The following EDARADD variants were observed in gnomAD, a reference collection of about 807,000 sequenced individuals.
EDARADD encodes the protein EDAR associated via death domain, also known as ectodysplasin-A receptor-associated adapter protein.
EDARADD carries 20 observed loss-of-function variants against 25.6 expected under a neutral mutation model. The ratio of observed to expected loss-of-function variants is 0.78; its 90% CI spans 0.55 to 1.14. The LOEUF is 1.14. Among genes scored for constraint, EDARADD ranks in the 50% most tolerant of loss-of-function variants. The probability of loss-of-function intolerance (pLI) is 0.00; values close to 1 mark genes in which losing one functional copy is unlikely to be tolerated. For missense variants in EDARADD, 225 were observed against 270.1 expected, an observed-to-expected ratio of 0.83 and a Z score of 1.17; for synonymous variants, 86 against 94.4, an observed-to-expected ratio of 0.91 and a Z score of 0.52.
chr1:236,433,007 T>C (rs1442731609), intron 4 of EDARADD, among the ~76,000 whole-genome samples: 2 of 151,836 alleles, frequency 1.3e-5, no homozygotes, highest in Non-Finnish European at 2.9e-5. Flanking sequence ...GACAAATGTA[T>C]CCCACTAATG....
At chr1:236,368,440 C>CT (rs59201705) in intron 3 of EDARADD, among the ~76,000 whole-genome samples, 2,223 of 124,152 alleles carry the variant, frequency 0.018, 56 homozygotes, top group African/African-American at 0.026. Flanking sequence ...CCAGTCTTTT[C>CT]TTTTTTTTTT....
intron 4 of EDARADD, among the ~76,000 whole-genome samples, chr1:236,434,880 G>C (rs576914427): frequency 6.6e-6 from 1 of 152,184 alleles, no homozygotes; most frequent in Admixed American, 6.5e-5. Flanking sequence ...AGGCTTAAAA[G>C]CCTGTGCCTG....
intron 4 of EDARADD, among the ~76,000 whole-genome samples, chr1:236,428,579 G>GTC (rs1657992264): frequency 6.8e-6 from 1 of 147,978 alleles, no homozygotes; most frequent in Non-Finnish European, 1.5e-5. Flanking sequence ...TCCCAGACTG[G>GTC]GCTGCCGGGC....
In EDARADD at chr1:236,378,793, A is replaced by C. The variant is rs189617839; in HGVS notation, c.-6+27954A>C. The stretch of plus-strand genomic sequence containing the variant: ...ACACTTTTTCCTTATTTATCTCTGA[A>C]GTATTTATACTTCAGCTAAAATGAT... On this transcript the variant is annotated intron_variant, in intron 3 of 7. Coordinates refer to the EDARADD transcript ENST00000439430. 3.3e-4 allele frequency among the ~76,000 whole-genome samples: 50 copies of C among 152,266 alleles called. No individual in the cohort carries two copies. In the East Asian group the frequency reaches 9.4e-3, roughly 29 times the overall value.
chr1:236,364,700 C>G (rs1667091744), intron 3 of EDARADD, among the ~76,000 whole-genome samples: 1 of 114,336 alleles, frequency 8.7e-6, no homozygotes, highest in Non-Finnish European at 1.8e-5. Context: ...TTGTTTGTTG[C>G]TGGTAAACAG....
intron 4 of EDARADD, among the ~76,000 whole-genome samples, chr1:236,437,885 A>G: frequency 6.6e-6 from 1 of 151,502 alleles, no homozygotes; most frequent in East Asian, 1.9e-4. Flanking sequence ...AGCAGCTGGG[A>G]TCACAGGCAC....
rs1659764111 is a variant in EDARADD, at chr1:236,484,178, C to T, written c.*1529C>T. On this transcript the variant is annotated 3_prime_UTR_variant, in exon 6 of 6. Transcript: ENST00000334232. This position sits in a 1 kb window ranked among gnomAD's most constrained non-coding sequence, Gnocchi z 4.1. Reference sequence around the variant, plus strand: ...CGGCCGTGAATGAGAAGAAGTGCAACTGCCTCCTGCTCAAAGTGAACCAGA... The same window carrying T: ...CGGCCGTGAATGAGAAGAAGTGCAATTGCCTCCTGCTCAAAGTGAACCAGA... 1.7e-6 allele frequency: 2 copies of T among 1,165,218 alleles called. No individual in the cohort carries two copies. The highest frequency in any genetic ancestry group is 1.7e-5 in the Admixed American group (1 of 59,218). The allele number at this position is 1,165,218 out of a possible 1,614,324, so 72.2% of individuals were successfully genotyped here. A position where few individuals can be genotyped will look rare whatever the true frequency, so the allele number is the denominator to read the frequency against.
chr1:236,362,630 C>A (rs1622494), intron 3 of EDARADD, among the ~76,000 whole-genome samples: 35,470 of 151,868 alleles, frequency 0.23, 4,297 homozygotes, highest in East Asian at 0.38. Context: ...CCTAACCCAA[C>A]GTCACCAAGG....
At chr1:236,427,284 C>T (rs1312927004) in intron 3 of EDARADD, 108 bp from the exon 4 acceptor site, 7 of 1,083,592 alleles carry the variant, frequency 6.5e-6, no homozygotes, top group African/African-American at 1.6e-5. Context: ...TACCAGATGC[C>T]AAGGCAGCAT....
chr1:236,381,770 A>G (rs1047850954), intron 3 of EDARADD, among the ~76,000 whole-genome samples: 1 of 80,308 alleles, frequency 1.2e-5, no homozygotes, highest in African/African-American at 4.2e-5. Flanking sequence ...TGCCTCTGTA[A>G]TATGTCTTTT....
intron 3 of EDARADD, among the ~76,000 whole-genome samples, chr1:236,420,533 A>C (rs1173683627): frequency 6.6e-6 from 1 of 152,232 alleles, no homozygotes; most frequent in African/African-American, 2.4e-5. Context: ...ATTCATATGG[A>C]AAGATGTTAA....
At chr1:236,462,142 C>T (rs563520592) in intron 4 of EDARADD, among the ~76,000 whole-genome samples, 1 of 152,266 alleles carries the variant, frequency 6.6e-6, no homozygotes, top group East Asian at 1.9e-4. Flanking sequence ...CTTCGGGTGA[C>T]TTTCCTTCTA....
At chr1:236,447,043 G>A (rs1487125857) in intron 4 of EDARADD, among the ~76,000 whole-genome samples, 2 of 152,198 alleles carry the variant, frequency 1.3e-5, no homozygotes, top group Non-Finnish European at 2.9e-5. Context: ...GGTCACCAGT[G>A]CTGGCACCAG....
rs748651599 is a variant in EDARADD, at chr1:236,421,213, A to G, written c.161-6179A>G. Among the ~76,000 whole-genome samples the G allele has an allele frequency of 1.2e-4, 18 of 147,226 alleles. 1 individual carries two copies. Among genetic ancestry groups the G allele is most frequent in the South Asian group, 2.3e-4 (1 of 4,420 alleles). On this transcript the variant is annotated intron_variant, in intron 3 of 5. Transcript: ENST00000334232. ...AGGACACTGTGCGTCATGCAGGGCC[A>G]CATGGAGGTTGCACTTAGGAGCAGA... is the stretch of plus-strand genomic sequence containing the variant.
At chr1:236,436,723 G>A (rs1017625147) in intron 4 of EDARADD, among the ~76,000 whole-genome samples, 4 of 151,818 alleles carry the variant, frequency 2.6e-5, no homozygotes, top group African/African-American at 9.7e-5. Context: ...CTTTTTAGAT[G>A]CAAAGTCAAG....
chr1:236,462,960 C>T (rs1341077842), intron 4 of EDARADD, among the ~76,000 whole-genome samples: 1 of 152,168 alleles, frequency 6.6e-6, no homozygotes, highest in African/African-American at 2.4e-5. Context: ...AGAAGTTCTT[C>T]CCAGCCAGTG....
At chr1:236,412,304 T>C (rs1657514486) in intron 2 of EDARADD, among the ~76,000 whole-genome samples, 1 of 152,168 alleles carries the variant, frequency 6.6e-6, no homozygotes, top group Admixed American at 6.5e-5. Flanking sequence ...CCTTGGGACT[T>C]TCAGGTGCTC....
In EDARADD at chr1:236,483,688, C is replaced by A; in HGVS notation, c.*1039C>A. On this transcript the variant is annotated 3_prime_UTR_variant, in exon 6 of 6. Coordinates refer to ENST00000334232, the MANE Select transcript of EDARADD (RefSeq NM_145861.4). Reference sequence around the variant, plus strand: ...GAGTTCATGGTCCTCCCAGTCGGTGCAGCAAACTTCAGGGAAGCCATGCCC... The same window carrying A: ...GAGTTCATGGTCCTCCCAGTCGGTGAAGCAAACTTCAGGGAAGCCATGCCC... 1 of 1,569,694 alleles carries A rather than the reference C, an allele frequency of 6.4e-7. No homozygotes were observed. The highest frequency in any genetic ancestry group is 8.8e-7 in the Non-Finnish European group (1 of 1,141,420).
In EDARADD at chr1:236,398,930, C is replaced by T. The variant is rs1471748047; in HGVS notation, c.61+4425C>T. The stretch of plus-strand genomic sequence containing the variant: ...CTCCCTAACACTCAGCATAGTACTC[C>T]GCACATAGTAAGCCCTGGGCAAATA... On this transcript the variant is annotated intron_variant, in intron 1 of 5. Coordinates refer to ENST00000334232, the MANE Select transcript of EDARADD (RefSeq NM_145861.4). This position sits in a 1 kb window ranked among gnomAD's most constrained non-coding sequence, Gnocchi z 4.1. 1.1e-4 allele frequency among the ~76,000 whole-genome samples: 16 copies of T among 152,242 alleles called. No individual in the cohort carries two copies. The South Asian group carries it at 2.5e-3, about 24-fold the overall frequency.
Sources: allele counts gnomAD v4.1 joint callset (sites outside exome capture counted in the v4.1 genomes callset), GRCh38; gene constraint gnomAD v4.1.1; non-coding constraint Gnocchi (gnomAD v3.1); transcripts MANE v1.5; gene names NCBI Gene and HGNC (gene_info 2026-07-23, HGNC 2026-07-21).